Variants in ATP13A3 observed in about 807,000 individuals in gnomAD.
ATP13A3 encodes the protein polyamine-transporting ATPase 13A3.
In ATP13A3, 59 loss-of-function variants were observed where a neutral mutation model predicts 158.1. That is an observed-to-expected ratio of 0.37 (90% confidence interval 0.30 to 0.46). The LOEUF is 0.46. Among genes scored for constraint, ATP13A3 ranks in the 20% least tolerant of loss-of-function variants. The probability of loss-of-function intolerance (pLI) is 1.00; values close to 1 mark genes in which losing one functional copy is unlikely to be tolerated. For synonymous variants in ATP13A3, 491 were observed against 504.3 expected (o/e 0.97, Z 0.35); for missense variants, 1,166 against 1,525.2 (o/e 0.76, Z 3.92).
chr3:194,439,931 C>A (rs1354775743), intron 16 of ATP13A3, among the ~76,000 whole-genome samples: 2 of 152,088 alleles, frequency 1.3e-5, no homozygotes, highest in Non-Finnish European at 2.9e-5. Context: ...TTTTGTTATT[C>A]TCTCTATAAA....
At chr3:194,446,658 A>C (rs1259704293) in intron 14 of ATP13A3, among the ~76,000 whole-genome samples, 2 of 152,190 alleles carry the variant, frequency 1.3e-5, no homozygotes, top group African/African-American at 2.4e-5. Context: ...TGGCATAGGA[A>C]CTTAAATCTC....
chr3:194,454,455 C>A, intron 8 of ATP13A3, 63 bp from the exon 9 acceptor site: 1 of 1,470,376 alleles, frequency 6.8e-7, no homozygotes. Context: ...GATTGTCCAT[C>A]TTTTCATTTG....
intron 15 of ATP13A3, among the ~76,000 whole-genome samples, chr3:194,443,540 T>C (rs1718190978): frequency 6.6e-6 from 1 of 152,102 alleles, no homozygotes. Flanking sequence ...AGAAAGCTGG[T>C]ATAGAGCTAT....
At position 194,454,786 on chromosome 3, in the gene ATP13A3, G is replaced by A. The variant is rs931175185; in HGVS notation, c.631-394C>T. 1.3e-4 allele frequency among the ~76,000 whole-genome samples: 19 copies of A among 148,982 alleles called. No homozygotes were observed. The East Asian group carries it at 1.6e-3, about 12-fold the overall frequency. On this transcript the variant is annotated intron_variant, in intron 8 of 33. Transcript: ENST00000645319. ...AGAGCTTGCAGTGAGCCGAGATCGC[G>A]CCACTGCAGCCTGGGAGACAGAGCG... is the stretch of plus-strand genomic sequence containing the variant.
At chr3:194,406,150 C>A in intron 33 of ATP13A3, 34 bp from the exon 34 acceptor site, 1 of 1,603,186 alleles carries the variant, frequency 6.2e-7, no homozygotes. Context: ...AACAAAACAC[C>A]CCAGTTGATT....
intron 29 of ATP13A3, 39 bp downstream of exon 29, chr3:194,427,036 A>T: frequency 6.4e-7 from 1 of 1,568,772 alleles, no homozygotes; most frequent in Non-Finnish European, 8.7e-7. Flanking sequence ...TATGTTGCAC[A>T]TATTTTATAT....
intron 27 of ATP13A3, 43 bp downstream of exon 27, chr3:194,429,635 G>A (rs773717821): frequency 2.9e-6 from 4 of 1,401,914 alleles, no homozygotes; most frequent in Non-Finnish European, 4.0e-6. Flanking sequence ...TTAATTTACG[G>A]TGCACATTAA....
At chr3:194,493,449 C>T (rs572049263) in intron 2 of ATP13A3, among the ~76,000 whole-genome samples, 32 of 152,150 alleles carry the variant, frequency 2.1e-4, no homozygotes, top group African/African-American at 7.7e-4. Flanking sequence ...GAGTTCGAGA[C>T]CAGCCTGGCC....
At chr3:194,412,541 G>T in intron 32 of ATP13A3, 2 of 432,918 alleles carry the variant, frequency 4.6e-6, no homozygotes, top group South Asian at 2.7e-5. Context: ...TGTATAAATA[G>T]GTCTTTCCCA....
intron 6 of ATP13A3, among the ~76,000 whole-genome samples, chr3:194,457,774 T>A (rs951757427): frequency 6.6e-5 from 10 of 151,434 alleles, no homozygotes; most frequent in Non-Finnish European, 1.3e-4. Context: ...TCCCAAAATA[T>A]CTTAATTATG....
intron 32 of ATP13A3, among the ~76,000 whole-genome samples, chr3:194,413,508 C>T (rs1156272007): frequency 6.6e-6 from 1 of 152,136 alleles, no homozygotes; most frequent in Non-Finnish European, 1.5e-5. Flanking sequence ...CCTTTCTACT[C>T]GTCATTAATT....
chr3:194,455,970 A>G lies in ATP13A3; in HGVS notation c.561-8T>C. The G allele has an allele frequency of 6.8e-7, 1 of 1,479,794 alleles. No homozygotes were observed. Among genetic ancestry groups the G allele is most frequent in the Non-Finnish European group, 9.2e-7 (1 of 1,084,164 alleles). The allele number at this position is 1,479,794 out of a possible 1,614,324, so 91.7% of individuals were successfully genotyped here. ...ACTCCATAAAGCAGTTTTCTATAAC[A>G]GGAAAATACATTCATAGTATTACAT... On this transcript the variant is annotated splice_region_variant and splice_polypyrimidine_tract_variant and intron_variant, in intron 7 of 33. Coordinates refer to ENST00000645319, the MANE Select transcript of ATP13A3 (RefSeq NM_001367549.1).
intron 2 of ATP13A3, among the ~76,000 whole-genome samples, chr3:194,476,275 G>A (rs1244506157): frequency 1.3e-5 from 2 of 151,982 alleles, no homozygotes; most frequent in Non-Finnish European, 2.9e-5. Context: ...TCTCATCAGG[G>A]GTGGCACTAC....
chr3:194,433,728 C>G (rs779767634), intron 21 of ATP13A3, 44 bp downstream of exon 21: 1 of 1,608,040 alleles, frequency 6.2e-7, no homozygotes, highest in South Asian at 1.1e-5. Context: ...AACTTCAGCT[C>G]TGTCACACTC....
chr3:194,446,909 C>G lies in ATP13A3; in HGVS notation c.1497+18G>C. The stretch of plus-strand genomic sequence containing the variant: ...GCTACGAAGTAACCTTTGAAAGTAA[C>G]TATGAAACTGAACCCACCTTGTCAA... On this transcript the variant is annotated intron_variant, in intron 14 of 33. Coordinates refer to ENST00000645319, the MANE Select transcript of ATP13A3 (RefSeq NM_001367549.1). The G allele has an allele frequency of 6.4e-7, 1 of 1,572,216 alleles. No homozygotes were observed. The highest frequency in any genetic ancestry group is 2.0e-5 in the Admixed American group (1 of 49,254).
chr3:194,407,193 G>A (rs540984866), intron 33 of ATP13A3, among the ~76,000 whole-genome samples: 3 of 152,268 alleles, frequency 2.0e-5, no homozygotes, highest in South Asian at 4.2e-4. Flanking sequence ...CAGCCACTTC[G>A]TAATGATTTT....
chr3:194,456,771 T>G (rs759981123), intron 7 of ATP13A3, among the ~76,000 whole-genome samples: 3 of 152,038 alleles, frequency 2.0e-5, no homozygotes, highest in Non-Finnish European at 4.4e-5. Context: ...AAGATAAAAA[T>G]GCTATCAAGA....
intron 2 of ATP13A3, among the ~76,000 whole-genome samples, chr3:194,469,466 G>GA (rs1004024654): frequency 4.0e-5 from 6 of 149,912 alleles, no homozygotes; most frequent in South Asian, 2.1e-4. Context: ...TCTCAAAAAA[G>GA]AAAAAAAAAC....
chr3:194,421,298 A>G (rs1716349876), intron 30 of ATP13A3, among the ~76,000 whole-genome samples: 1 of 147,142 alleles, frequency 6.8e-6, no homozygotes, highest in Admixed American at 6.9e-5. Flanking sequence ...TCACGCCTGT[A>G]ATCCTAGCAC....
Sources: allele counts gnomAD v4.1 joint callset (sites outside exome capture counted in the v4.1 genomes callset), GRCh38; gene constraint gnomAD v4.1.1; transcripts MANE v1.5; gene names NCBI Gene and HGNC (gene_info 2026-07-23, HGNC 2026-07-21).